The following ARID2 variants were observed in gnomAD, a reference collection of about 807,000 sequenced individuals.
ARID2 encodes AT-rich interaction domain 2.
ARID2 carries 32 observed loss-of-function variants against 184.6 expected under a neutral mutation model. The ratio of observed to expected loss-of-function variants is 0.17; its 90% CI spans 0.13 to 0.23. The LOEUF is 0.23. Ranked by LOEUF, ARID2 falls within the 10% of genes least tolerant of loss-of-function variation. ARID2 has a pLI of 1.00. For synonymous variants in ARID2, 836 were observed against 772.6 expected (o/e 1.08, Z -1.36); for missense variants, 1,696 against 2,197.6 (o/e 0.77, Z 4.56).
intron 3 of ARID2, among the ~76,000 whole-genome samples, chr12:45,778,446 C>T (rs1942029589): frequency 6.6e-6 from 1 of 151,850 alleles, no homozygotes; most frequent in Admixed American, 6.6e-5. Context: ...TATGTTAGTA[C>T]TTAGTGCTGT....
intron 16 of ARID2, among the ~76,000 whole-genome samples, chr12:45,877,435 C>T (rs1251616194): frequency 6.6e-6 from 1 of 151,990 alleles, no homozygotes; most frequent in African/African-American, 2.4e-5. Context: ...CTCCCATCAC[C>T]CCCAGATGGG....
At chr12:45,883,588 C>A (rs1178783396) in intron 16 of ARID2, among the ~76,000 whole-genome samples, 1 of 148,742 alleles carries the variant, frequency 6.7e-6, no homozygotes, top group Non-Finnish European at 1.5e-5. Context: ...ATCACAGATA[C>A]TGTATATAAA....
intron 6 of ARID2, among the ~76,000 whole-genome samples, chr12:45,829,499 G>T (rs528609305): frequency 3.2e-4 from 48 of 151,312 alleles, no homozygotes; most frequent in African/African-American, 1.1e-3. Context: ...CTGAGTATGT[G>T]TTTTTTTCAC....
rs539230421 is a variant in ARID2, at chr12:45,808,985, C to T, written c.285-2433C>T. ...TTTGCTGTGTTGGCCATGCTGGCCT[C>T]GAACTCTTGGCCTCAAGAGATACTC... On this transcript the variant is annotated intron_variant, in intron 3 of 20. Transcript: ENST00000334344. Among the ~76,000 whole-genome samples the T allele has an allele frequency of 2.1e-4, 32 of 152,188 alleles. No individual in the cohort carries two copies. In the South Asian group the frequency reaches 3.9e-3, roughly 19 times the overall value.
intron 11 of ARID2, among the ~76,000 whole-genome samples, chr12:45,845,604 G>T (rs1280705536): frequency 1.3e-5 from 2 of 152,150 alleles, no homozygotes; most frequent in East Asian, 3.9e-4. Flanking sequence ...AAATATAAAT[G>T]GATTTATACA....
intron 3 of ARID2, among the ~76,000 whole-genome samples, chr12:45,810,823 C>G (rs1361638756): frequency 6.6e-6 from 1 of 152,120 alleles, no homozygotes; most frequent in Non-Finnish European, 1.5e-5. Context: ...TACTATTCAT[C>G]TACATGTAGT....
At chr12:45,901,676 C>T (rs944902236) in intron 20 of ARID2, among the ~76,000 whole-genome samples, 1 of 151,982 alleles carries the variant, frequency 6.6e-6, no homozygotes, top group East Asian at 2.0e-4. Flanking sequence ...CCTCCGCCCC[C>T]CAAGACAAGA....
rs747741457 is a variant in ARID2, at chr12:45,837,393, A to C, written c.1096A>C (p.Arg366=). The stretch of plus-strand genomic sequence containing the variant: ...TACTGTTACAAAATGTCTAATGTCA[A>C]GGGATAGATTTTTAAAGATGAGAGG... ...FHTVTKCLMS[R]DRFLKMRGME... is the part of the protein sequence containing the mutation. Residue 366 remains arginine, a synonymous_variant, in exon 9 of 21, where the codon AGG becomes CGG. Coordinates refer to ENST00000334344, the MANE Select transcript of ARID2 (RefSeq NM_152641.4). 1 of 1,612,484 alleles carries C rather than the reference A, an allele frequency of 6.2e-7. No individual in the cohort carries two copies. Among genetic ancestry groups the C allele is most frequent in the South Asian group, 1.1e-5 (1 of 90,660 alleles).
At chr12:45,731,377 TA>T in intron 3 of ARID2, 63 bp downstream of exon 3, 1 of 1,268,688 alleles carries the variant, frequency 7.9e-7, no homozygotes, top group Non-Finnish European at 1.1e-6. Context: ...GATTTGTTTT[TA>T]GCAAAAACAA....
chr12:45,795,997 A>G (rs560913039), intron 3 of ARID2, among the ~76,000 whole-genome samples: 10 of 152,226 alleles, frequency 6.6e-5, no homozygotes, highest in African/African-American at 2.4e-4. Flanking sequence ...GCTCCTGTCT[A>G]CTGTACTCGT....
chr12:45,828,811 GT>G (rs547474214), intron 6 of ARID2, among the ~76,000 whole-genome samples: 2 of 151,420 alleles, frequency 1.3e-5, no homozygotes, highest in African/African-American at 2.4e-5. Flanking sequence ...ATTTGTAAGA[GT>G]TTTTTTTCTA....
chr12:45,809,253 A>G (rs954873297), intron 3 of ARID2, among the ~76,000 whole-genome samples: 2 of 152,254 alleles, frequency 1.3e-5, no homozygotes, highest in Non-Finnish European at 2.9e-5. Flanking sequence ...AGATTGTACT[A>G]TGTAAAATAC....
intron 3 of ARID2, among the ~76,000 whole-genome samples, chr12:45,810,207 G>T (rs572780715): frequency 6.6e-6 from 1 of 152,276 alleles, no homozygotes; most frequent in Non-Finnish European, 1.5e-5. Flanking sequence ...TGTTTGACAT[G>T]GTTTCGACCA....
At chr12:45,801,232 A>C (rs1024252387) in intron 3 of ARID2, among the ~76,000 whole-genome samples, 2 of 152,052 alleles carry the variant, frequency 1.3e-5, no homozygotes, top group Admixed American at 1.3e-4. Context: ...GAATGGCGTG[A>C]ACCCGGGAGG....
At chr12:45,773,992 A>C (rs975059780) in intron 3 of ARID2, among the ~76,000 whole-genome samples, 1 of 152,114 alleles carries the variant, frequency 6.6e-6, no homozygotes, top group African/African-American at 2.4e-5. Flanking sequence ...CTTTGAGTGG[A>C]AACTTTTTTT....
intron 3 of ARID2, among the ~76,000 whole-genome samples, chr12:45,773,217 AATAAT>A (rs2138027187): frequency 6.6e-6 from 1 of 152,164 alleles, no homozygotes; most frequent in African/African-American, 2.4e-5. Flanking sequence ...AAAATGAAGA[AATAAT>A]ATACTAAACT....
At chr12:45,834,952 A>G (rs1051494097) in intron 6 of ARID2, among the ~76,000 whole-genome samples, 5 of 152,086 alleles carry the variant, frequency 3.3e-5, no homozygotes, top group Non-Finnish European at 5.9e-5. Context: ...ATTGTCACAT[A>G]TTCTGTCTGC....
At chr12:45,896,378 C>A (rs1592146833) in intron 20 of ARID2, among the ~76,000 whole-genome samples, 1 of 152,158 alleles carries the variant, frequency 6.6e-6, no homozygotes, top group African/African-American at 2.4e-5. Flanking sequence ...TGTGTCCCCA[C>A]CCAGATCTCC....
chr12:45,876,337 G>C (rs1242005128), intron 16 of ARID2, among the ~76,000 whole-genome samples: 1 of 151,756 alleles, frequency 6.6e-6, no homozygotes, highest in Non-Finnish European at 1.5e-5. Context: ...GATCACGTGA[G>C]GTTGGGAGTT....
Sources: gnomAD v4.1 joint callset for allele counts (sites outside exome capture counted in the v4.1 genomes callset) on GRCh38, gnomAD v4.1.1 for gene constraint, MANE v1.5 for transcripts, NCBI Gene and HGNC (gene_info 2026-07-23, HGNC 2026-07-21) for gene names.